Variants in MACROD2 observed in about 807,000 individuals in gnomAD.
MACROD2 encodes the protein ADP-ribose glycohydrolase MACROD2.
MACROD2 carries 36 observed loss-of-function variants against 70.4 expected under a neutral mutation model. That is an observed-to-expected ratio of 0.51 (90% CI 0.39 to 0.68). The LOEUF is 0.68. MACROD2 is among the 30% of genes least tolerant of loss of function. The pLI is 0.00. For missense variants in MACROD2, 496 were observed against 538.4 expected, an observed-to-expected ratio of 0.92 and a Z score of 0.78; for synonymous variants, 172 against 178.8, an observed-to-expected ratio of 0.96 and a Z score of 0.30.
intron 6 of MACROD2, among the ~76,000 whole-genome samples, chr20:15,355,638 TC>T (rs1188452792): frequency 6.6e-6 from 1 of 152,188 alleles, no homozygotes; most frequent in African/African-American, 2.4e-5. Context: ...AAGTTTCAAC[TC>T]TTTAATCATG....
intron 5 of MACROD2, among the ~76,000 whole-genome samples, chr20:14,903,935 G>A (rs1313975736): frequency 1.3e-5 from 2 of 152,158 alleles, no homozygotes; most frequent in African/African-American, 4.8e-5. Flanking sequence ...TTCTCTCGCT[G>A]AGAATGTAAC....
chr20:14,837,050 A>G (rs1733599563), intron 5 of MACROD2, among the ~76,000 whole-genome samples: 1 of 139,206 alleles, frequency 7.2e-6, no homozygotes, highest in Non-Finnish European at 1.6e-5. Flanking sequence ...TCTGTAAATT[A>G]AAGAATTTTA....
chr20:14,410,022 A>G (rs751807029), intron 3 of MACROD2, among the ~76,000 whole-genome samples: 4 of 152,094 alleles, frequency 2.6e-5, no homozygotes, highest in Non-Finnish European at 5.9e-5. Flanking sequence ...CCTGAAGCCA[A>G]CTCAGCTTGG....
chr20:15,842,489 G>A (rs1411200314), intron 8 of MACROD2, among the ~76,000 whole-genome samples: 1 of 110,288 alleles, frequency 9.1e-6, no homozygotes, highest in Non-Finnish European at 1.8e-5. Context: ...TTTTGCCTCT[G>A]TAAGACACCA....
chr20:15,562,993 T>G (rs1412183155), intron 8 of MACROD2, among the ~76,000 whole-genome samples: 1 of 152,090 alleles, frequency 6.6e-6, no homozygotes, highest in Non-Finnish European at 1.5e-5. Flanking sequence ...GTTATATAGG[T>G]CTAAGAAATT....
At chr20:14,907,636 G>A (rs2073974867) in intron 5 of MACROD2, among the ~76,000 whole-genome samples, 1 of 152,142 alleles carries the variant, frequency 6.6e-6, no homozygotes, top group Admixed American at 6.6e-5. Context: ...CCAGGCATAA[G>A]GAATAGAAAG....
intron 3 of MACROD2, among the ~76,000 whole-genome samples, chr20:14,121,081 A>G (rs990976912): frequency 6.6e-6 from 1 of 152,176 alleles, no homozygotes; most frequent in Non-Finnish European, 1.5e-5. Context: ...TAATTTGTTT[A>G]AATCTAATAT....
rs775739124 is a variant in MACROD2 at position 15,229,973 on chromosome 20, G to A, written c.452G>A (p.Gly151Asp). 8.7e-6 allele frequency: 14 copies of A among 1,613,530 alleles called. No individual in the cohort carries two copies. In the African/African-American group the frequency reaches 9.3e-5, roughly 11 times the overall value. Residue 151 changes from glycine (G) to aspartate (D), a missense_variant, in exon 6 of 18, where the codon GGC (glycine) becomes GAC (aspartate). Coordinates refer to ENST00000684519, the MANE Select transcript of MACROD2 (RefSeq NM_001351661.2). ...CATACTGTAGGGCCAATAGCCAGGG[G>A]CCATATTAATGGTTCCCACAAGGAA... Reference protein sequence around the residue: ...VIHTVGPIARGHINGSHKEDL... With the variant: ...VIHTVGPIARDHINGSHKEDL...
At chr20:14,177,426 C>T (rs1373590885) in intron 3 of MACROD2, among the ~76,000 whole-genome samples, 1 of 151,386 alleles carries the variant, frequency 6.6e-6, no homozygotes, top group Non-Finnish European at 1.5e-5. Context: ...AAGCAATTCT[C>T]CTGCCTCAGC....
At chr20:14,398,406 A>AT (rs71190136) in intron 3 of MACROD2, among the ~76,000 whole-genome samples, 20,587 of 142,444 alleles carry the variant, frequency 0.14, 1,587 homozygotes, top group Non-Finnish European at 0.18. Context: ...CCTTGCCAGC[A>AT]TTTTTTTTTT....
At chr20:15,989,341 TG>T (rs1327612222) in intron 15 of MACROD2, among the ~76,000 whole-genome samples, 4 of 152,164 alleles carry the variant, frequency 2.6e-5, no homozygotes, top group African/African-American at 9.6e-5. Flanking sequence ...CCAGCAGTTT[TG>T]ATATGGTCTA....
chr20:15,418,163 A>G (rs1221548474), intron 6 of MACROD2, among the ~76,000 whole-genome samples: 1 of 152,220 alleles, frequency 6.6e-6, no homozygotes, highest in Non-Finnish European at 1.5e-5. Flanking sequence ...GCTTTCTGTC[A>G]GTCTTACTTG....
intron 5 of MACROD2, among the ~76,000 whole-genome samples, chr20:14,765,115 C>T (rs1408127307): frequency 6.6e-6 from 1 of 152,120 alleles, no homozygotes; most frequent in Non-Finnish European, 1.5e-5. Flanking sequence ...ATATCAAGCA[C>T]CTGGAGTGCA....
At chr20:15,330,373 T>C (rs2077979116) in intron 6 of MACROD2, among the ~76,000 whole-genome samples, 1 of 151,646 alleles carries the variant, frequency 6.6e-6, no homozygotes, top group Non-Finnish European at 1.5e-5. Flanking sequence ...CAGACTTTGG[T>C]AGACTCCAGG....
intron 4 of MACROD2, among the ~76,000 whole-genome samples, chr20:14,592,826 A>G (rs1437716955): frequency 1.3e-5 from 2 of 152,188 alleles, no homozygotes; most frequent in Admixed American, 1.3e-4. Context: ...TAACTATAAT[A>G]TTTTACATAT....
intron 4 of MACROD2, among the ~76,000 whole-genome samples, chr20:14,564,075 A>G (rs1219744278): frequency 6.6e-6 from 1 of 151,964 alleles, no homozygotes; most frequent in African/African-American, 2.4e-5. Context: ...GATAAAGTCA[A>G]CACAGATATA....
intron 4 of MACROD2, among the ~76,000 whole-genome samples, chr20:14,500,957 C>A (rs1050105659): frequency 7.9e-5 from 12 of 151,674 alleles, no homozygotes; most frequent in African/African-American, 2.7e-4. Context: ...ATCCCGGATT[C>A]TCAACATGTT....
intron 5 of MACROD2, among the ~76,000 whole-genome samples, chr20:15,026,637 A>C (rs2075233955): frequency 6.6e-6 from 1 of 152,020 alleles, no homozygotes; most frequent in Admixed American, 6.6e-5. Context: ...TGTGCTTCTG[A>C]GTATTTACTT....
At chr20:15,272,487 T>C (rs2077354577) in intron 6 of MACROD2, among the ~76,000 whole-genome samples, 1 of 152,236 alleles carries the variant, frequency 6.6e-6, no homozygotes, top group Admixed American at 6.5e-5. Flanking sequence ...CTGTCACAAA[T>C]CAATTATAAG....
Sources: gnomAD v4.1 joint callset for allele counts (sites outside exome capture counted in the v4.1 genomes callset) on GRCh38, gnomAD v4.1.1 for gene constraint, MANE v1.5 for transcripts, NCBI Gene and HGNC (gene_info 2026-07-23, HGNC 2026-07-21) for gene names.